The following GRIK4 variants were observed in gnomAD, a reference collection of about 807,000 sequenced individuals.
GRIK4 encodes glutamate ionotropic receptor kainate type subunit 4.
In GRIK4, 40 loss-of-function variants were observed where a neutral mutation model predicts 104.9. The ratio of observed to expected loss-of-function variants is 0.38; its 90% CI spans 0.30 to 0.50. The LOEUF (loss-of-function observed/expected upper bound fraction) is 0.50. Ranked by LOEUF, GRIK4 falls within the 20% of genes least tolerant of loss-of-function variation. The pLI is 0.93. For synonymous variants in GRIK4, 485 were observed against 524.9 expected (o/e 0.92, Z 1.04); for missense variants, 1,047 against 1,308.1 (o/e 0.80, Z 3.08).
intron 3 of GRIK4, among the ~76,000 whole-genome samples, chr11:120,718,761 G>A (rs1023843684): frequency 6.6e-6 from 1 of 152,246 alleles, no homozygotes; most frequent in Non-Finnish European, 1.5e-5. Flanking sequence ...CTGTGCCCAG[G>A]ACCTGCCAGT....
Position 120,967,256 on chromosome 11 carries a change from G to A in GRIK4, c.2328G>A (p.Leu776=). The change falls in exon 19 of 21, where the codon CTG becomes CTA. Residue 776 remains leucine (L), a synonymous_variant. Coordinates refer to ENST00000527524, the MANE Select transcript of GRIK4 (RefSeq NM_014619.5). This position sits in a 1 kb window ranked among gnomAD's most constrained non-coding sequence, Gnocchi z 4.2. ...AILQLQENNR[L]EILKRKWWEG... The stretch of plus-strand genomic sequence containing the variant: ...TCCAGCTGCAGGAGAACAACCGCCT[G>A]GAGATCCTGAAGCGCAAATGGTGGG... 6.2e-7 allele frequency: 1 copy of A among 1,613,840 alleles called. No individual in the cohort carries two copies. Among genetic ancestry groups the A allele is most frequent in the Non-Finnish European group, 8.5e-7 (1 of 1,179,836 alleles).
intron 3 of GRIK4, among the ~76,000 whole-genome samples, chr11:120,735,576 C>T (rs1951207416): frequency 6.6e-6 from 1 of 151,994 alleles, no homozygotes; most frequent in Non-Finnish European, 1.5e-5. Context: ...CCCTAGGGCT[C>T]TACAATCAGC....
chr11:120,588,469 C>G (rs1454420272), intron 1 of GRIK4, among the ~76,000 whole-genome samples: 2 of 152,114 alleles, frequency 1.3e-5, no homozygotes, highest in East Asian at 3.9e-4. Context: ...GACACAGGGT[C>G]TTTCCTTGGC....
intron 13 of GRIK4, among the ~76,000 whole-genome samples, chr11:120,932,587 T>G (rs553881866): frequency 6.6e-6 from 1 of 152,180 alleles, no homozygotes; most frequent in Non-Finnish European, 1.5e-5. Flanking sequence ...CCATAAGCCT[T>G]TTCAATATAC....
rs911059697 is a variant in GRIK4 at position 120,953,975 on chromosome 11, T to C, written c.1700+1011T>C. 2.6e-5 allele frequency among the ~76,000 whole-genome samples: 4 copies of C among 152,176 alleles called. No homozygotes were observed. Among genetic ancestry groups the C allele is most frequent in the Admixed American group, 2.6e-4 (4 of 15,288 alleles). On this transcript the variant is annotated intron_variant, in intron 15 of 20. Transcript: ENST00000527524. This position sits in a 1 kb window ranked among gnomAD's most constrained non-coding sequence, Gnocchi z 4.9. ...TGCAGGTGTCTCTTCAGTTGTTACCTTTGCCTCTAGGCCACAGTGGGAGGG... is the reference window on the plus strand; with the variant it reads ...TGCAGGTGTCTCTTCAGTTGTTACCCTTGCCTCTAGGCCACAGTGGGAGGG...
intron 1 of GRIK4, among the ~76,000 whole-genome samples, chr11:120,587,730 G>A (rs183378145): frequency 1.3e-5 from 2 of 152,258 alleles, no homozygotes; most frequent in East Asian, 1.9e-4. Flanking sequence ...GGTCAGCTAC[G>A]CTTAGTCTTG....
intron 1 of GRIK4, among the ~76,000 whole-genome samples, chr11:120,559,514 C>T (rs929429100): frequency 1.8e-4 from 27 of 152,178 alleles, no homozygotes; most frequent in Non-Finnish European, 7.3e-5. Context: ...AAAACATTAA[C>T]AAAAATTATT....
chr11:120,838,300 A>G (rs1591977016), intron 8 of GRIK4, among the ~76,000 whole-genome samples: 6 of 152,326 alleles, frequency 3.9e-5, no homozygotes, highest in Admixed American at 3.9e-4. Flanking sequence ...AAAAATGGGG[A>G]CATAAAACCT....
intron 1 of GRIK4, among the ~76,000 whole-genome samples, chr11:120,599,604 T>TA (rs1400720362): frequency 1.3e-5 from 2 of 152,186 alleles, no homozygotes; most frequent in African/African-American, 4.8e-5. Flanking sequence ...CTCAGCCCCC[T>TA]AGCCTCCCTC....
chr11:120,522,605 G>C (rs1947809230), intron 1 of GRIK4, among the ~76,000 whole-genome samples: 1 of 152,030 alleles, frequency 6.6e-6, no homozygotes, highest in African/African-American at 2.4e-5. Flanking sequence ...ACAGGTGTGA[G>C]CCACTGCACC....
intron 3 of GRIK4, among the ~76,000 whole-genome samples, chr11:120,721,169 G>A (rs912135916): frequency 6.6e-6 from 1 of 152,150 alleles, no homozygotes; most frequent in Non-Finnish European, 1.5e-5. Context: ...GTCCCTGGTT[G>A]GGAGCTACGG....
intron 1 of GRIK4, among the ~76,000 whole-genome samples, chr11:120,650,602 T>G (rs557258082): frequency 1.3e-5 from 2 of 152,310 alleles, no homozygotes; most frequent in Admixed American, 1.3e-4. Flanking sequence ...TCACAGTCTG[T>G]AATTATGGCA....
chr11:120,874,780 G>A (rs1407883959), intron 10 of GRIK4, among the ~76,000 whole-genome samples: 1 of 152,204 alleles, frequency 6.6e-6, no homozygotes, highest in African/African-American at 2.4e-5. Context: ...CTGTGGACCT[G>A]GGGGTGGGTG....
Position 120,543,748 on chromosome 11 carries a change from T to C in GRIK4, c.-159+31861T>C, listed in dbSNP as rs201640696. 8.5e-5 allele frequency among the ~76,000 whole-genome samples: 13 copies of C among 152,302 alleles called. No homozygotes were observed. The East Asian group carries it at 1.2e-3, about 14-fold the overall frequency. Reference sequence around the variant, plus strand: ...CACAATAGCCAAGAGAGTGTTCCTCTTGGAAGAATGGAATCCAGAATATGT... The same window carrying C: ...CACAATAGCCAAGAGAGTGTTCCTCCTGGAAGAATGGAATCCAGAATATGT... On this transcript the variant is annotated intron_variant, in intron 1 of 20. Transcript: ENST00000527524.
intron 1 of GRIK4, among the ~76,000 whole-genome samples, chr11:120,643,244 A>T (rs1251097725): frequency 6.6e-6 from 1 of 152,236 alleles, no homozygotes; most frequent in African/African-American, 2.4e-5. Context: ...AAAAGAAAAA[A>T]ATAAAGCAGG....
chr11:120,807,909 G>A (rs1952748412), intron 4 of GRIK4, among the ~76,000 whole-genome samples: 1 of 152,158 alleles, frequency 6.6e-6, no homozygotes, highest in Non-Finnish European at 1.5e-5. Context: ...TCTTTAGGTG[G>A]CTCTCCAGAG....
At chr11:120,866,010 A>C (rs920579650) in intron 9 of GRIK4, among the ~76,000 whole-genome samples, 6 of 152,142 alleles carry the variant, frequency 3.9e-5, no homozygotes, top group African/African-American at 1.2e-4. Context: ...TTCAACAGCC[A>C]GTTCTTGTGG....
chr11:120,905,539 G>GGGA lies in GRIK4; in HGVS notation c.1476+46_1476+47insGGA. ...CTGGGCCTGAGGGTGGGCTGGGAGG[G>GGGA]ATTGGAAGAGCATGAGGTTGTGCTG... is the stretch of plus-strand genomic sequence containing the variant. On this transcript the variant is annotated intron_variant, in intron 13 of 20. Transcript: ENST00000527524. This position sits in a 1 kb window ranked among gnomAD's most constrained non-coding sequence, Gnocchi z 5.1. The GGGA allele has an allele frequency of 2.0e-6, 1 of 503,046 alleles. No homozygotes were observed. Among genetic ancestry groups the GGGA allele is most frequent in the East Asian group, 5.7e-5 (1 of 17,670 alleles). The allele number at this position is 503,046 out of a possible 1,614,324, so 31.2% of individuals were successfully genotyped here.
At position 120,524,328 on chromosome 11, in the gene GRIK4, GGA is replaced by G; in HGVS notation, c.-159+12442_-159+12443del. On this transcript the variant is annotated intron_variant, in intron 1 of 20. Transcript: ENST00000527524. This position sits in a 1 kb window ranked among gnomAD's most constrained non-coding sequence, Gnocchi z 4.5. The stretch of plus-strand genomic sequence containing the variant: ...TGAGCCGCTTGTCTGCAGAGGCCCT[GGA>G]CTCTGGAGCCCTAGACTAGCAATGA... 6.6e-6 allele frequency among the ~76,000 whole-genome samples: 1 copy of G among 152,288 alleles called. No homozygotes were observed. Among genetic ancestry groups the G allele is most frequent in the South Asian group, 2.1e-4 (1 of 4,816 alleles).
Sources: allele counts gnomAD v4.1 joint callset (sites outside exome capture counted in the v4.1 genomes callset), GRCh38; gene constraint gnomAD v4.1.1; non-coding constraint Gnocchi (gnomAD v3.1); transcripts MANE v1.5; gene names NCBI Gene and HGNC (gene_info 2026-07-23, HGNC 2026-07-21).